Variants in FAT3 observed in about 807,000 individuals in gnomAD.
FAT3 encodes protocadherin Fat 3.
A neutral mutation model predicts 310.2 loss-of-function variants in FAT3; 95 were observed. The observed-to-expected ratio is 0.31, with a 90% CI of 0.26 to 0.36. FAT3 has a LOEUF of 0.36. FAT3 is among the 10% of genes least tolerant of loss of function. FAT3 has a pLI of 1.00. For missense variants in FAT3, 5,408 were observed against 5,715.6 expected, an observed-to-expected ratio of 0.95 and a Z score of 1.74; for synonymous variants, 2,314 against 2,192.9, an observed-to-expected ratio of 1.06 and a Z score of -1.54.
At chr11:92,250,499 G>C (rs1299750669) in intron 1 of FAT3, among the ~76,000 whole-genome samples, 1 of 152,110 alleles carries the variant, frequency 6.6e-6, no homozygotes, top group Non-Finnish European at 1.5e-5. Context: ...TGGTAGTCCA[G>C]TATTAGCAAC....
At chr11:92,583,555 C>G (rs536003024) in intron 3 of FAT3, among the ~76,000 whole-genome samples, 12 of 151,614 alleles carry the variant, frequency 7.9e-5, no homozygotes, top group Admixed American at 6.6e-4. Flanking sequence ...GCCTCCTTGT[C>G]CCCCATTCTG....
At chr11:92,619,518 G>C (rs1372904156) in intron 3 of FAT3, among the ~76,000 whole-genome samples, 1 of 151,974 alleles carries the variant, frequency 6.6e-6, no homozygotes, top group Non-Finnish European at 1.5e-5. Flanking sequence ...TTTTTGTTTT[G>C]CTTTTAATTA....
chr11:92,775,774 CCTATGTGATT>C (rs1240298061), intron 7 of FAT3, among the ~76,000 whole-genome samples: 3 of 152,084 alleles, frequency 2.0e-5, no homozygotes, highest in African/African-American at 7.2e-5. Context: ...CCACAGAAAT[CCTATGTGATT>C]CTGACATGCA....
At chr11:92,560,015 AT>A (rs1373377271) in intron 3 of FAT3, among the ~76,000 whole-genome samples, 1 of 152,172 alleles carries the variant, frequency 6.6e-6, no homozygotes, top group African/African-American at 2.4e-5. Flanking sequence ...TCCGTGTTTA[AT>A]TTTTTGAGGA....
At chr11:92,533,861 G>A (rs1441959121) in intron 3 of FAT3, among the ~76,000 whole-genome samples, 1 of 152,080 alleles carries the variant, frequency 6.6e-6, no homozygotes, top group Non-Finnish European at 1.5e-5. Flanking sequence ...TGTAGCTGCT[G>A]TTGGAAATTA....
chr11:92,694,341 G>C (rs916816996), intron 3 of FAT3, among the ~76,000 whole-genome samples: 1 of 152,164 alleles, frequency 6.6e-6, no homozygotes, highest in African/African-American at 2.4e-5. Context: ...AACCTGCAGA[G>C]GCTTTCCTGT....
At chr11:92,765,199 T>C in intron 6 of FAT3, 110 bp downstream of exon 6, 3 of 946,662 alleles carry the variant, frequency 3.2e-6, no homozygotes, top group East Asian at 2.6e-5. Context: ...AGTGCCAAGA[T>C]TAAAAGATGT....
At chr11:92,449,622 A>G (rs1951305849) in intron 2 of FAT3, among the ~76,000 whole-genome samples, 1 of 152,256 alleles carries the variant, frequency 6.6e-6, no homozygotes, top group African/African-American at 2.4e-5. Context: ...CAGATGAGGA[A>G]ACTGAAGCAT....
intron 2 of FAT3, among the ~76,000 whole-genome samples, chr11:92,459,076 T>TA (rs1038917100): frequency 6.6e-6 from 1 of 152,226 alleles, no homozygotes; most frequent in African/African-American, 2.4e-5. Flanking sequence ...CCTTTACCCC[T>TA]ACTGCATCAT....
intron 4 of FAT3, among the ~76,000 whole-genome samples, chr11:92,723,713 CA>C (rs1944925431): frequency 2.0e-5 from 3 of 152,138 alleles, no homozygotes; most frequent in Admixed American, 6.6e-5. Context: ...AGGTGAAAGG[CA>C]CATCTTATGT....
At chr11:92,262,702 A>G (rs1163175177) in intron 1 of FAT3, among the ~76,000 whole-genome samples, 1 of 152,162 alleles carries the variant, frequency 6.6e-6, no homozygotes, top group Non-Finnish European at 1.5e-5. Context: ...ATTTTAGTAC[A>G]TATCTCTTGA....
rs2136327071 is a variant in FAT3, at chr11:92,859,179, A to G, written c.11515A>G (p.Ser3839Gly). 6.2e-7 allele frequency: 1 copy of G among 1,613,660 alleles called. No homozygotes were observed. The highest frequency in any genetic ancestry group is 1.1e-5 in the South Asian group (1 of 91,060). ...GGTCTTTTCAGGGCACACTTCTCTC[A>G]GCTTTGCTGGAAACAGTTACATCAA... ...LGECSGHTSL[S>G]FAGNSYIKYR... The change falls in exon 21 of 28, where the codon AGC becomes GGC. Residue 3839 changes from serine to glycine, a missense_variant. This residue lies in a region of FAT3 where 4,588 missense variants were observed against 4,809.8 expected (regional missense o/e 0.95). Transcript: ENST00000525166.
chr11:92,344,607 T>G (rs2134597219), intron 1 of FAT3, among the ~76,000 whole-genome samples: 1 of 152,334 alleles, frequency 6.6e-6, no homozygotes, highest in South Asian at 2.1e-4. Flanking sequence ...ATGCTGAGAT[T>G]GCTAAGACCT....
At chr11:92,736,373 A>G (rs544191803) in intron 4 of FAT3, among the ~76,000 whole-genome samples, 1 of 152,246 alleles carries the variant, frequency 6.6e-6, no homozygotes, top group South Asian at 2.1e-4. Flanking sequence ...GCAAGCCATA[A>G]TTCCTCACCT....
chr11:92,243,180 A>T (rs115646508), intron 1 of FAT3, among the ~76,000 whole-genome samples: 215 of 152,136 alleles, frequency 1.4e-3, no homozygotes, highest in African/African-American at 5.0e-3. Context: ...CCACCTAAAC[A>T]AGTGTTGAGT....
intron 2 of FAT3, among the ~76,000 whole-genome samples, chr11:92,431,710 G>A (rs1165625309): frequency 3.8e-4 from 58 of 152,158 alleles, no homozygotes; most frequent in Admixed American, 7.2e-4. Context: ...GAAGGGATCC[G>A]GTTTCAGCTT....
intron 3 of FAT3, among the ~76,000 whole-genome samples, chr11:92,555,826 A>G (rs1472578977): frequency 3.9e-5 from 6 of 152,204 alleles, no homozygotes; most frequent in African/African-American, 1.4e-4. Context: ...TAAAATTACC[A>G]CACTCACCAC....
At position 92,800,782 on chromosome 11, in the gene FAT3, T is replaced by C. The variant is rs1947319740; in HGVS notation, c.7769T>C (p.Val2590Ala). ...ACTTTCTGCACTGTGAGAGTGATTG[T>C]TGTGGATGAAAATGACAATGCTCCC... The part of the protein sequence containing the change: ...RTTFCTVRVI[V>A]VDENDNAPQF... The change falls in exon 10 of 28, where the codon GTT becomes GCT. Residue 2590 changes from valine (V) to alanine (A), a missense_variant. Val to Ala is a moderately conservative substitution (Grantham distance 64). Around this residue, in one of 5 missense-constraint regions of FAT3, gnomAD observed 4,588 missense variants for 4,809.8 expected, o/e 0.95. Coordinates refer to ENST00000525166, the MANE Select transcript of FAT3 (RefSeq NM_001367949.2). 4 of 1,613,846 alleles carry C rather than the reference T, an allele frequency of 2.5e-6. No homozygotes were observed. Among genetic ancestry groups the C allele is most frequent in the Non-Finnish European group, 3.4e-6 (4 of 1,179,850 alleles).
Position 92,244,264 on chromosome 11 carries a change from C to G in FAT3, c.-18+19090C>G, listed in dbSNP as rs182439837. ...TTTGTGCTTCTTTTGGGCAGAAACC[C>G]TTTCAGTCCTCCTTTTATAACCCTT... is the stretch of plus-strand genomic sequence containing the variant. On this transcript the variant is annotated intron_variant, in intron 1 of 27. Coordinates refer to ENST00000525166, the MANE Select transcript of FAT3 (RefSeq NM_001367949.2). Among the ~76,000 whole-genome samples, 7 of 152,164 alleles carry G rather than the reference C, an allele frequency of 4.6e-5. No homozygotes were observed. In the East Asian group the frequency reaches 1.4e-3, roughly 29 times the overall value.
Sources: allele counts gnomAD v4.1 joint callset (sites outside exome capture counted in the v4.1 genomes callset), GRCh38; gene constraint gnomAD v4.1.1; regional missense constraint gnomAD v4.1.1; transcripts MANE v1.5; gene names NCBI Gene and HGNC (gene_info 2026-07-23, HGNC 2026-07-21).